The following CPLX4 variants were observed in gnomAD, a reference collection of about 807,000 sequenced individuals.
The protein encoded by CPLX4 is complexin 4.
In CPLX4, 17 loss-of-function variants were observed where a neutral mutation model predicts 16.1. The observed-to-expected ratio is 1.06, with a 90% CI of 0.72 to 1.59. CPLX4 has a LOEUF of 1.59. CPLX4 is among the 40% of genes most tolerant of loss of function. The pLI is 0.00. For missense variants in CPLX4, 193 were observed against 192.9 expected, an observed-to-expected ratio of 1.00 and a Z score of 0.00; for synonymous variants, 55 against 57.8, an observed-to-expected ratio of 0.95 and a Z score of 0.22.
Position 59,316,215 on chromosome 18 carries a change from G to A in CPLX4, c.167+2081C>T, listed in dbSNP as rs117984785. On this transcript the variant is annotated intron_variant, in intron 1 of 2. Transcript: ENST00000299721. Reference sequence around the variant, plus strand: ...TTTCCTTTCCAGATAGTCTATTTATGTTTAGACCTCTTTCAGTACTAATGT... The same window carrying A: ...TTTCCTTTCCAGATAGTCTATTTATATTTAGACCTCTTTCAGTACTAATGT... Among the ~76,000 whole-genome samples, 644 of 152,206 alleles carry A rather than the reference G, an allele frequency of 4.2e-3. 35 individuals are homozygous for A. The East Asian group carries it at 0.099, about 23-fold the overall frequency.
intron 1 of CPLX4, among the ~76,000 whole-genome samples, chr18:59,313,946 CCT>C (rs777817667): frequency 1.3e-4 from 20 of 152,182 alleles, no homozygotes; most frequent in South Asian, 4.1e-4. Flanking sequence ...AAACAAATCC[CCT>C]GTTTTCATTT....
chr18:59,303,048 G>T (rs2070552473), intron 2 of CPLX4, among the ~76,000 whole-genome samples: 1 of 152,184 alleles, frequency 6.6e-6, no homozygotes, highest in Admixed American at 6.5e-5. Context: ...TCATGGACTT[G>T]AGCAGTCAGG....
intron 1 of CPLX4, among the ~76,000 whole-genome samples, chr18:59,315,218 G>A (rs1206838149): frequency 6.6e-6 from 1 of 152,172 alleles, no homozygotes. Context: ...CCATACTGGT[G>A]TTTATGGAGT....
At chr18:59,309,079 A>G (rs184561946) in intron 2 of CPLX4, among the ~76,000 whole-genome samples, 152 of 152,356 alleles carry the variant, frequency 1.0e-3, no homozygotes, top group African/African-American at 3.5e-3. Context: ...CTTGCAGAGC[A>G]GGGCAGTCTG....
intron 2 of CPLX4, 118 bp downstream of exon 2, chr18:59,312,567 A>C (rs923310099): frequency 1.0e-4 from 23 of 221,924 alleles, no homozygotes; most frequent in South Asian, 7.4e-4. Flanking sequence ...ATATATATAT[A>C]TCTTGAATAT....
At chr18:59,298,844 C>G (rs908888570) in intron 2 of CPLX4, among the ~76,000 whole-genome samples, 3 of 152,206 alleles carry the variant, frequency 2.0e-5, no homozygotes, top group Non-Finnish European at 4.4e-5. Flanking sequence ...GCCCAGCTGC[C>G]TTTCCTCAGG....
rs1023224945 is a variant in CPLX4, at chr18:59,295,590, A to G, written c.*1108T>C. ...ACCAAAAAAAAAAAAAAAAATCAGT[A>G]TTTTGTTTTGGTTTGGTGGGCTTTA... On this transcript the variant is annotated 3_prime_UTR_variant, in exon 3 of 3. Transcript: ENST00000299721. 12 of 150,366 alleles carry G rather than the reference A, an allele frequency of 8.0e-5. No homozygotes were observed. Among genetic ancestry groups the G allele is most frequent in the Non-Finnish European group, 1.5e-4 (10 of 67,644 alleles). 9.3% of individuals were successfully genotyped at this position (150,366 alleles called of 1,614,324 possible).
In CPLX4 at chr18:59,314,745, T is replaced by C. The variant is rs1161992063; in HGVS notation, c.168-1973A>G. Among the ~76,000 whole-genome samples the C allele has an allele frequency of 3.3e-5, 5 of 152,236 alleles. No homozygotes were observed. The East Asian group carries it at 7.7e-4, about 23-fold the overall frequency. ...TTGCCTGTTCTAGAACTTCATAAAA[T>C]GGAACCATACAGTTCATCTTTGTGT... is the stretch of plus-strand genomic sequence containing the variant. On this transcript the variant is annotated intron_variant, in intron 1 of 2. Coordinates refer to ENST00000299721, the MANE Select transcript of CPLX4 (RefSeq NM_181654.4).
At chr18:59,309,599 G>A (rs1336124655) in intron 2 of CPLX4, among the ~76,000 whole-genome samples, 4 of 151,968 alleles carry the variant, frequency 2.6e-5, no homozygotes, top group African/African-American at 9.7e-5. Flanking sequence ...CGAGGTGGGC[G>A]GATCACAAGG....
Position 59,295,706 on chromosome 18 carries a change from C to T in CPLX4, c.*992G>A, listed in dbSNP as rs1273395597. The T allele has an allele frequency of 6.6e-6, 1 of 151,282 alleles. No homozygotes were observed. The highest frequency in any genetic ancestry group is 1.5e-5 in the Non-Finnish European group (1 of 67,960). The allele number at this position is 151,282 out of a possible 1,614,324, so 9.4% of individuals were successfully genotyped here. A position where few individuals can be genotyped will look rare whatever the true frequency, so the allele number is the denominator to read the frequency against. On this transcript the variant is annotated 3_prime_UTR_variant, in exon 3 of 3. Coordinates refer to ENST00000299721, the MANE Select transcript of CPLX4 (RefSeq NM_181654.4). ...AGAGCAGATATTAGGGGGGAAAAAT[C>T]AGTGTCTACCCTGAAAGCTTGTGGC...
intron 2 of CPLX4, among the ~76,000 whole-genome samples, chr18:59,300,335 C>T (rs892373606): frequency 6.6e-6 from 1 of 152,028 alleles, no homozygotes; most frequent in African/African-American, 2.4e-5. Flanking sequence ...TCTGTCTTAA[C>T]AAATAAATAA....
intron 2 of CPLX4, among the ~76,000 whole-genome samples, 181 bp downstream of exon 2, chr18:59,312,502 AAT>A (rs1422286029): frequency 2.7e-5 from 4 of 146,236 alleles, no homozygotes; most frequent in Admixed American, 6.9e-5. Flanking sequence ...ATATATCCTG[AAT>A]ATATATATAT....
intron 2 of CPLX4, among the ~76,000 whole-genome samples, chr18:59,301,620 G>A (rs1321033422): frequency 6.6e-6 from 1 of 152,250 alleles, no homozygotes; most frequent in East Asian, 1.9e-4. Context: ...CCAAATGTGG[G>A]CCTGTAGCCT....
intron 2 of CPLX4, among the ~76,000 whole-genome samples, chr18:59,309,198 A>G (rs566540263): frequency 1.3e-5 from 2 of 152,346 alleles, no homozygotes; most frequent in Admixed American, 6.5e-5. Context: ...AGGCAATTGT[A>G]TTATTGGTAT....
intron 2 of CPLX4, among the ~76,000 whole-genome samples, chr18:59,300,576 G>T (rs911946198): frequency 6.6e-6 from 1 of 152,110 alleles, no homozygotes; most frequent in African/African-American, 2.4e-5. Flanking sequence ...GGGGCACTTC[G>T]TATAGATGGC....
In CPLX4 at chr18:59,296,413, T is replaced by C. The variant is rs2070500970; in HGVS notation, c.*285A>G. Reference sequence around the variant, plus strand: ...CTTGCTTTTGTTTCTTCCTGGCTCATCTCAAGGTCTTTAAGCAGATATGTG... The same window carrying C: ...CTTGCTTTTGTTTCTTCCTGGCTCACCTCAAGGTCTTTAAGCAGATATGTG... On this transcript the variant is annotated 3_prime_UTR_variant, in exon 3 of 3. Coordinates refer to ENST00000299721, the MANE Select transcript of CPLX4 (RefSeq NM_181654.4). 2 of 421,154 alleles carry C rather than the reference T, an allele frequency of 4.7e-6. No homozygotes were observed. The highest frequency in any genetic ancestry group is 8.4e-6 in the Non-Finnish European group (2 of 237,278). The allele number at this position is 421,154 out of a possible 1,614,324, so 26.1% of individuals were successfully genotyped here.
chr18:59,312,718 T>C lies in CPLX4; in HGVS notation c.222A>G (p.Arg74=). ...TQKKAERACL[R]VHLREKYRLP... is the part of the protein sequence containing the mutation. ...GCCTGTATTTTTCTCTGAGATGAAC[T>C]CTGAGGCATGCCCTTTCTGCCTTTT... The change falls in exon 2 of 3, where the codon AGA becomes AGG. Residue 74 remains arginine (R), a synonymous_variant. Transcript: ENST00000299721. The C allele has an allele frequency of 6.8e-7, 1 of 1,461,746 alleles. No homozygotes were observed. The highest frequency in any genetic ancestry group is 9.6e-7 in the Non-Finnish European group (1 of 1,041,016). The allele number at this position is 1,461,746 out of a possible 1,614,324, so 90.5% of individuals were successfully genotyped here. A position where few individuals can be genotyped will look rare whatever the true frequency, so the allele number is the denominator to read the frequency against.
intron 2 of CPLX4, among the ~76,000 whole-genome samples, chr18:59,308,466 T>A (rs2144187003): frequency 1.2e-5 from 1 of 86,188 alleles, no homozygotes; most frequent in Non-Finnish European, 2.8e-5. Flanking sequence ...TAGTAAGGCT[T>A]TTTTTTTTTC....
chr18:59,315,679 T>C (rs1474109251), intron 1 of CPLX4, among the ~76,000 whole-genome samples: 1 of 152,206 alleles, frequency 6.6e-6, no homozygotes, highest in Non-Finnish European at 1.5e-5. Flanking sequence ...CTTTTATGTT[T>C]ACGTGTATGA....
Sources: gnomAD v4.1 joint callset for allele counts (sites outside exome capture counted in the v4.1 genomes callset) on GRCh38, gnomAD v4.1.1 for gene constraint, MANE v1.5 for transcripts, NCBI Gene and HGNC (gene_info 2026-07-23, HGNC 2026-07-21) for gene names.